Variants in RNF138 observed in about 807,000 individuals in gnomAD.
RNF138 encodes the protein E3 ubiquitin-protein ligase RNF138.
A neutral mutation model predicts 31.0 loss-of-function variants in RNF138; 12 were observed. That is an observed-to-expected ratio of 0.39 (90% CI 0.25 to 0.63). The LOEUF (loss-of-function observed/expected upper bound fraction) is 0.63. RNF138 is among the 20% of genes least tolerant of loss of function. RNF138 has a pLI of 0.52. For synonymous variants in RNF138, 105 were observed against 99.5 expected, an observed-to-expected ratio of 1.06 and a Z score of -0.33; for missense variants, 192 against 300.1, an observed-to-expected ratio of 0.64 and a Z score of 2.66.
intron 2 of RNF138, among the ~76,000 whole-genome samples, chr18:32,102,390 A>G (rs1418794463): frequency 6.7e-6 from 1 of 150,222 alleles, no homozygotes; most frequent in Non-Finnish European, 1.5e-5. Context: ...TTTAGTAGAG[A>G]TGGGGTTTCA....
At chr18:32,117,163 A>G (rs1263375026) in intron 4 of RNF138, among the ~76,000 whole-genome samples, 1 of 152,008 alleles carries the variant, frequency 6.6e-6, no homozygotes, top group South Asian at 2.1e-4. Flanking sequence ...CGGCCTCCCA[A>G]AGTGATGGGA....
chr18:32,119,237 C>A (rs1055614130), intron 4 of RNF138, among the ~76,000 whole-genome samples: 3 of 152,024 alleles, frequency 2.0e-5, no homozygotes, highest in Non-Finnish European at 4.4e-5. Flanking sequence ...ATCCATTGTT[C>A]ATTCCTCTAG....
At chr18:32,107,116 CTTTTTTTTTTTT>C (rs58774714) in intron 2 of RNF138, among the ~76,000 whole-genome samples, 152 of 100,588 alleles carry the variant, frequency 1.5e-3, no homozygotes, top group Non-Finnish European at 2.2e-3. Flanking sequence ...TCCTTTTTTC[CTTTTTTTTTTTT>C]TTTTTTTTTG....
chr18:32,099,394 C>T (rs887282630), intron 2 of RNF138, among the ~76,000 whole-genome samples: 2 of 152,008 alleles, frequency 1.3e-5, no homozygotes, highest in Non-Finnish European at 2.9e-5. Context: ...GATAAGAGAC[C>T]TGAATATCTC....
chr18:32,122,747 C>T (rs1268623668), intron 4 of RNF138, among the ~76,000 whole-genome samples: 1 of 152,116 alleles, frequency 6.6e-6, no homozygotes, highest in African/African-American at 2.4e-5. Context: ...TTGCTCGAAC[C>T]CAGGAGGCAG....
chr18:32,125,076 A>C (rs888217703), intron 6 of RNF138: 2 of 424,740 alleles, frequency 4.7e-6, no homozygotes, highest in South Asian at 6.3e-5. Context: ...GTAATATAGC[A>C]CAGTCTGGAG....
chr18:32,105,872 G>A (rs2040020244), intron 2 of RNF138, among the ~76,000 whole-genome samples: 1 of 152,142 alleles, frequency 6.6e-6, no homozygotes, highest in African/African-American at 2.4e-5. Context: ...TTTTCCCCCT[G>A]AAAATTGTTT....
rs554725032 is a variant in RNF138 at position 32,130,076 on chromosome 18, A to G, written c.*889A>G. 288 of 152,580 alleles carry G rather than the reference A, an allele frequency of 1.9e-3. No homozygotes were observed. Among genetic ancestry groups the G allele is most frequent in the African/African-American group, 6.3e-3 (263 of 41,562 alleles). The allele number at this position is 152,580 out of a possible 1,614,324, so 9.5% of individuals were successfully genotyped here. A position where few individuals can be genotyped will look rare whatever the true frequency, so the allele number is the denominator to read the frequency against. Reference sequence around the variant, plus strand: ...GAAATTTATTCAAAGCTAAAGATGTATATATACATATACTTTTGTGTGTAT... The same window carrying G: ...GAAATTTATTCAAAGCTAAAGATGTGTATATACATATACTTTTGTGTGTAT... On this transcript the variant is annotated 3_prime_UTR_variant, in exon 8 of 8. Transcript: ENST00000261593.
chr18:32,103,832 G>A (rs2039982520), intron 2 of RNF138, among the ~76,000 whole-genome samples: 1 of 142,526 alleles, frequency 7.0e-6, no homozygotes. Context: ...CGGGCGCGGT[G>A]GCGGGCACCT....
At chr18:32,103,619 C>G (rs979862526) in intron 2 of RNF138, among the ~76,000 whole-genome samples, 2 of 152,106 alleles carry the variant, frequency 1.3e-5, no homozygotes, top group Admixed American at 6.6e-5. Context: ...TTTATTATCC[C>G]TTTTTATCAT....
At chr18:32,112,929 C>T (rs1324105095) in intron 3 of RNF138, among the ~76,000 whole-genome samples, 1 of 152,292 alleles carries the variant, frequency 6.6e-6, no homozygotes, top group Admixed American at 6.5e-5. Flanking sequence ...CTATTTCATG[C>T]ATTCACACAA....
chr18:32,107,019 A>C (rs985476794), intron 2 of RNF138, among the ~76,000 whole-genome samples: 1 of 151,830 alleles, frequency 6.6e-6, no homozygotes, highest in Non-Finnish European at 1.5e-5. Flanking sequence ...GTTTCTTTGA[A>C]AATAATTTTC....
intron 2 of RNF138, among the ~76,000 whole-genome samples, chr18:32,093,280 A>G (rs928471812): frequency 6.6e-6 from 1 of 150,954 alleles, no homozygotes; most frequent in African/African-American, 2.4e-5. Flanking sequence ...TTTCTTAGCA[A>G]CCCGGGTGAA....
intron 4 of RNF138, among the ~76,000 whole-genome samples, chr18:32,121,142 AC>A (rs59172119): frequency 0.55 from 79,275 of 142,918 alleles, 21,948 homozygotes; most frequent in Admixed American, 0.67. Context: ...TCAAAAAAAA[AC>A]AAAACAAAAA....
intron 7 of RNF138, among the ~76,000 whole-genome samples, chr18:32,127,149 A>C (rs1450150640): frequency 6.6e-6 from 1 of 152,196 alleles, no homozygotes; most frequent in Non-Finnish European, 1.5e-5. Flanking sequence ...TGTATTTCTC[A>C]TGTAGTATAA....
intron 4 of RNF138, among the ~76,000 whole-genome samples, chr18:32,117,271 A>G (rs2040233199): frequency 6.6e-6 from 1 of 152,100 alleles, no homozygotes; most frequent in South Asian, 2.1e-4. Context: ...AGCAGGAAAC[A>G]GTGGGCTCTA....
intron 2 of RNF138, among the ~76,000 whole-genome samples, chr18:32,098,525 C>A (rs1225035738): frequency 6.8e-6 from 1 of 147,160 alleles, no homozygotes. Flanking sequence ...AAATAATTTT[C>A]TTCTTTCCTA....
In RNF138 at chr18:32,129,263, C is replaced by T. The variant is rs1176283464; in HGVS notation, c.*76C>T. On this transcript the variant is annotated 3_prime_UTR_variant, in exon 8 of 8. Coordinates refer to ENST00000261593, the MANE Select transcript of RNF138 (RefSeq NM_016271.5). Reference sequence around the variant, plus strand: ...GGGAAACTACATGAAGTCACCGTTACAGTAACTTGATGTGTATATTAATAA... The same window carrying T: ...GGGAAACTACATGAAGTCACCGTTATAGTAACTTGATGTGTATATTAATAA... The T allele has an allele frequency of 1.7e-5, 16 of 937,788 alleles. No individual in the cohort carries two copies. The highest frequency in any genetic ancestry group is 2.6e-5 in the Non-Finnish European group (15 of 574,404). 58.1% of individuals were successfully genotyped at this position (937,788 alleles called of 1,614,324 possible).
intron 2 of RNF138, among the ~76,000 whole-genome samples, chr18:32,099,166 T>TAATG (rs2039871848): frequency 6.6e-6 from 1 of 152,076 alleles, no homozygotes. Flanking sequence ...GGTTATAGGG[T>TAATG]AATGCCCTGT....
Sources: allele counts gnomAD v4.1 joint callset (sites outside exome capture counted in the v4.1 genomes callset), GRCh38; gene constraint gnomAD v4.1.1; transcripts MANE v1.5; gene names NCBI Gene and HGNC (gene_info 2026-07-23, HGNC 2026-07-21).